The following G3BP2 variants were observed in gnomAD, a reference collection of about 807,000 sequenced individuals.
The protein encoded by G3BP2 is G3BP stress granule assembly factor 2, also known as ras GTPase-activating protein-binding protein 2.
In G3BP2, 11 loss-of-function variants were observed where a neutral mutation model predicts 56.7. The ratio of observed to expected loss-of-function variants is 0.19; its 90% CI spans 0.12 to 0.32. G3BP2 has a LOEUF of 0.32. Among genes scored for constraint, G3BP2 ranks in the 10% least tolerant of loss-of-function variants. The pLI is 1.00. For synonymous variants in G3BP2, 165 were observed against 191.6 expected (o/e 0.86, Z 1.15); for missense variants, 340 against 610.9 (o/e 0.56, Z 4.67).
At chr4:75,671,695 TTA>T (rs1491491294) in intron 1 of G3BP2, among the ~76,000 whole-genome samples, 1 of 152,220 alleles carries the variant, frequency 6.6e-6, no homozygotes, top group Non-Finnish European at 1.5e-5. Flanking sequence ...CTTTTCAGAA[TTA>T]GTTTGTAAAG....
chr4:75,698,833 C>T (rs1024128319), intron 3 of G3BP2, among the ~76,000 whole-genome samples: 2 of 152,100 alleles, frequency 1.3e-5, no homozygotes, highest in African/African-American at 4.8e-5. Context: ...GGCGCTAGGA[C>T]CACAGCTGCA....
upstream of G3BP2, among the ~76,000 whole-genome samples, chr4:75,674,723 T>G (rs1370568930): frequency 4.0e-5 from 3 of 75,374 alleles, no homozygotes; most frequent in African/African-American, 1.2e-4. Flanking sequence ...TATATATTTT[T>G]TTTTTTTTTT....
At chr4:75,672,927 A>G in intron 1 of G3BP2, 3 of 890,486 alleles carry the variant, frequency 3.4e-6, no homozygotes, top group Non-Finnish European at 4.0e-6. Flanking sequence ...CTCATCCCCA[A>G]TAAACCTCAA....
intron 3 of G3BP2, among the ~76,000 whole-genome samples, chr4:75,683,619 C>A (rs975604933): frequency 1.3e-5 from 2 of 152,050 alleles, no homozygotes; most frequent in African/African-American, 4.8e-5. Context: ...GTTCATAAGC[C>A]TGGCTTTTTA....
At chr4:75,718,122 G>A (rs914247934) in intron 3 of G3BP2, among the ~76,000 whole-genome samples, 8 of 145,360 alleles carry the variant, frequency 5.5e-5, no homozygotes, top group African/African-American at 1.9e-4. Context: ...GAGACAGAAT[G>A]AGACTCCGTC....
chr4:75,672,982 G>A (rs2149048850), intron 1 of G3BP2: 1 of 986,162 alleles, frequency 1.0e-6, no homozygotes, highest in Non-Finnish European at 1.2e-6. Context: ...GACGCTCGCG[G>A]GTCACCTCCC....
chr4:75,716,028 T>G (rs1264844898), intron 3 of G3BP2, among the ~76,000 whole-genome samples: 1 of 152,130 alleles, frequency 6.6e-6, no homozygotes, highest in Non-Finnish European at 1.5e-5. Context: ...ACTCACATAC[T>G]TGGGAAAGAG....
At chr4:75,707,799 G>C (rs1303703304) in intron 3 of G3BP2, among the ~76,000 whole-genome samples, 1 of 152,082 alleles carries the variant, frequency 6.6e-6, no homozygotes, top group African/African-American at 2.4e-5. Flanking sequence ...CATTTACTTA[G>C]AGCAGAACTG....
At chr4:75,698,867 TA>T (rs961544259) in intron 3 of G3BP2, among the ~76,000 whole-genome samples, 3 of 152,060 alleles carry the variant, frequency 2.0e-5, no homozygotes, top group African/African-American at 7.2e-5. Flanking sequence ...GGCTAATTTT[TA>T]AATTTTTATA....
chr4:75,652,311 G>A (rs1034538844), intron 8 of G3BP2, among the ~76,000 whole-genome samples: 4 of 152,168 alleles, frequency 2.6e-5, no homozygotes, highest in African/African-American at 9.7e-5. Context: ...CTGCAGCAAG[G>A]TGCTGGAGAA....
chr4:75,684,747 A>G (rs1718510149), intron 3 of G3BP2, among the ~76,000 whole-genome samples: 1 of 152,008 alleles, frequency 6.6e-6, no homozygotes, highest in Admixed American at 6.6e-5. Flanking sequence ...GGGTGGATAT[A>G]GGGAATGTTT....
At chr4:75,660,203 C>G (rs529787070) in intron 2 of G3BP2, among the ~76,000 whole-genome samples, 1 of 152,068 alleles carries the variant, frequency 6.6e-6, no homozygotes, top group East Asian at 1.9e-4. Flanking sequence ...AACAAAAAAC[C>G]CTGTATCATG....
intron 3 of G3BP2, among the ~76,000 whole-genome samples, chr4:75,720,836 TAAATAAAA>T (rs1450478097): frequency 1.5e-5 from 2 of 130,372 alleles, no homozygotes; most frequent in Non-Finnish European, 3.4e-5. Context: ...AATAAATAAA[TAAATAAAA>T]ATATTTTGAA....
rs941902312 is a variant in G3BP2 at position 75,673,157 on chromosome 4, T to A, written c.-25+51A>T. 11 of 1,152,798 alleles carry A rather than the reference T, an allele frequency of 9.5e-6. No individual in the cohort carries two copies. The Admixed American group carries it at 4.7e-4, about 49-fold the overall frequency. The allele number at this position is 1,152,798 out of a possible 1,614,324, so 71.4% of individuals were successfully genotyped here. A position where few individuals can be genotyped will look rare whatever the true frequency, so the allele number is the denominator to read the frequency against. On this transcript the variant is annotated intron_variant, in intron 1 of 11. Transcript: ENST00000359707. ...CTCGCGCCGCGGAGCGCGAATGGAATGTCCCTTTCCGACCACCACACCGAC... is the reference window on the plus strand; with the variant it reads ...CTCGCGCCGCGGAGCGCGAATGGAAAGTCCCTTTCCGACCACCACACCGAC...
At chr4:75,684,771 C>T (rs1184572786) in intron 3 of G3BP2, among the ~76,000 whole-genome samples, 1 of 151,696 alleles carries the variant, frequency 6.6e-6, no homozygotes, top group African/African-American at 2.4e-5. Context: ...AAACCATGAA[C>T]ATTCTGTATA....
intron 3 of G3BP2, among the ~76,000 whole-genome samples, chr4:75,690,632 C>T (rs1034980166): frequency 1.3e-5 from 2 of 152,038 alleles, no homozygotes; most frequent in African/African-American, 4.8e-5. Context: ...AGTACAGTGG[C>T]GCCATCTCAG....
intron 3 of G3BP2, among the ~76,000 whole-genome samples, chr4:75,693,154 G>A (rs1718942158): frequency 6.6e-6 from 1 of 152,152 alleles, no homozygotes; most frequent in African/African-American, 2.4e-5. Flanking sequence ...TGAGGCAGGA[G>A]AATCACTTGA....
chr4:75,648,672 G>C lies in G3BP2; in HGVS notation c.895C>G (p.Arg299Gly). The C allele has an allele frequency of 6.2e-7, 1 of 1,609,496 alleles. No homozygotes were observed. The highest frequency in any genetic ancestry group is 8.5e-7 in the Non-Finnish European group (1 of 1,176,020). Reference protein sequence around the residue: ...PRVREQRPRERPGFPPRGPRP... With the variant: ...PRVREQRPREGPGFPPRGPRP... The stretch of plus-strand genomic sequence containing the variant: ...GGTCCTCTAGGAGGAAAACCAGGTC[G>C]TTCTCTAGGTCGTTGTTCACGCACA... The change falls in exon 9 of 12, where the codon CGA (arginine) becomes GGA (glycine). Residue 299 changes from arginine to glycine, a missense_variant. Physicochemically the swap from Arg to Gly is moderately radical, Grantham distance 125 (BLOSUM62 -2). Transcript: ENST00000359707.
At chr4:75,660,507 T>C (rs1732466516) in intron 2 of G3BP2, among the ~76,000 whole-genome samples, 1 of 152,132 alleles carries the variant, frequency 6.6e-6, no homozygotes, top group Non-Finnish European at 1.5e-5. Context: ...AACTGTCTAA[T>C]AGGTAGAGAG....
Sources: gnomAD v4.1 joint callset for allele counts (sites outside exome capture counted in the v4.1 genomes callset) on GRCh38, gnomAD v4.1.1 for gene constraint, MANE v1.5 for transcripts, NCBI Gene and HGNC (gene_info 2026-07-23, HGNC 2026-07-21) for gene names.